The following PHACTR2 variants were observed in gnomAD, a reference collection of about 807,000 sequenced individuals.
PHACTR2 encodes phosphatase and actin regulator 2.
PHACTR2 carries 30 observed loss-of-function variants against 76.0 expected under a neutral mutation model. The ratio of observed to expected loss-of-function variants is 0.39; its 90% CI spans 0.30 to 0.54. PHACTR2 has a LOEUF of 0.54. Among genes scored for constraint, PHACTR2 ranks in the 20% least tolerant of loss-of-function variants. The probability of loss-of-function intolerance (pLI) is 0.61; values close to 1 mark genes in which losing one functional copy is unlikely to be tolerated. For synonymous variants in PHACTR2, 292 were observed against 292.5 expected, an observed-to-expected ratio of 1.00 and a Z score of 0.02; for missense variants, 696 against 781.1, an observed-to-expected ratio of 0.89 and a Z score of 1.30.
In PHACTR2 at chr6:143,711,137, C is replaced by T. The variant is rs550148315; in HGVS notation, c.47-879C>T. 7.4e-4 allele frequency: 331 copies of T among 448,686 alleles called. 1 individual carries two copies. Among genetic ancestry groups the T allele is most frequent in the African/African-American group, 6.2e-3 (303 of 49,020 alleles). 27.8% of individuals were successfully genotyped at this position (448,686 alleles called of 1,614,324 possible). A position where few individuals can be genotyped will look rare whatever the true frequency, so the allele number is the denominator to read the frequency against. On this transcript the variant is annotated intron_variant, in intron 1 of 12. Transcript: ENST00000440869. ...TGAGATAATTTCCATCACCGCTATA[C>T]GTTCCCTCAAGTTTCTTCTCAGGTT...
intron 1 of PHACTR2, among the ~76,000 whole-genome samples, chr6:143,614,748 C>G (rs918074544): frequency 6.6e-6 from 1 of 152,126 alleles, no homozygotes; most frequent in African/African-American, 2.4e-5. Flanking sequence ...TTGCCTCTAA[C>G]CTTTCACTGC....
intron 2 of PHACTR2, among the ~76,000 whole-genome samples, chr6:143,714,185 T>C (rs17592629): frequency 0.013 from 1,929 of 152,330 alleles, 18 homozygotes; most frequent in South Asian, 0.031. Flanking sequence ...TGCTGTCTGA[T>C]AATCAATGAA....
chr6:143,765,933 C>A lies in PHACTR2; in HGVS notation c.1232+135C>A. 1.4e-6 allele frequency: 1 copy of A among 737,928 alleles called. No individual in the cohort carries two copies. The highest frequency in any genetic ancestry group is 2.2e-6 in the Non-Finnish European group (1 of 461,708). The allele number at this position is 737,928 out of a possible 1,614,324, so 45.7% of individuals were successfully genotyped here. The stretch of plus-strand genomic sequence containing the variant: ...GTGTTAGGTAGGCATACATGTGATC[C>A]AACCATTGCTTTGTCAGAGCCCTGC... On this transcript the variant is annotated intron_variant, in intron 6 of 12. Transcript: ENST00000440869. The surrounding 1 kb of genome is among the most constrained non-coding windows in gnomAD (Gnocchi z 4.1).
rs2128472475 is a variant in PHACTR2 at position 143,761,009 on chromosome 6, CT to C, written c.694+371del. Among the ~76,000 whole-genome samples the C allele has an allele frequency of 6.6e-6, 1 of 152,210 alleles. No individual in the cohort carries two copies. The highest frequency in any genetic ancestry group is 2.1e-4 in the South Asian group (1 of 4,822). On this transcript the variant is annotated intron_variant, in intron 5 of 12. Transcript: ENST00000440869. The surrounding 1 kb of genome is among the most constrained non-coding windows in gnomAD (Gnocchi z 5.2). ...TATGAGCCTATGGGTGGCTTTTTGG[CT>C]TGGATTTTCTTTCAAAATATCTAAG...
At chr6:143,723,269 C>T (rs1778483804) in intron 2 of PHACTR2, among the ~76,000 whole-genome samples, 1 of 152,176 alleles carries the variant, frequency 6.6e-6, no homozygotes. Flanking sequence ...ACCTTCCACG[C>T]CTTCCTGTTT....
At chr6:143,632,483 A>G (rs1470349800) in intron 1 of PHACTR2, among the ~76,000 whole-genome samples, 1 of 152,204 alleles carries the variant, frequency 6.6e-6, no homozygotes. Context: ...CAACATAAAG[A>G]GCAAAGTACA....
intron 1 of PHACTR2, among the ~76,000 whole-genome samples, chr6:143,692,416 C>A (rs1777666441): frequency 6.6e-6 from 1 of 152,166 alleles, no homozygotes; most frequent in East Asian, 1.9e-4. Flanking sequence ...GTTGGCCTGA[C>A]TGCGCTGTTT....
In PHACTR2 at chr6:143,652,390, C is replaced by CTGTT. The variant is rs112494577; in HGVS notation, c.13+44094_13+44097dup. Among the ~76,000 whole-genome samples the CTGTT allele has an allele frequency of 0.027, 4,103 of 151,982 alleles. 78 individuals are homozygous for CTGTT. The highest frequency in any genetic ancestry group is 0.054 in the Middle Eastern group (16 of 294). ...CAGCTAGACAAAGGTACCTGCGCTG[C>CTGTT]TGTTTGTTTGTTTGTTTGTTTGTTT... is the stretch of plus-strand genomic sequence containing the variant. On this transcript the variant is annotated intron_variant, in intron 1 of 11. Coordinates refer to the PHACTR2 transcript ENST00000305766. The surrounding 1 kb of genome is among the most constrained non-coding windows in gnomAD (Gnocchi z 4.5).
intron 6 of PHACTR2, among the ~76,000 whole-genome samples, chr6:143,766,368 C>T (rs1171566297): frequency 6.6e-6 from 1 of 152,178 alleles, no homozygotes; most frequent in Non-Finnish European, 1.5e-5. Context: ...ACAGAATTAG[C>T]CAACATGTCT....
At chr6:143,763,780 T>C (rs1779491164) in intron 5 of PHACTR2, among the ~76,000 whole-genome samples, 1 of 152,232 alleles carries the variant, frequency 6.6e-6, no homozygotes, top group South Asian at 2.1e-4. Flanking sequence ...ACCCTCCCAA[T>C]TGACTTCAAT....
chr6:143,579,349 C>A (rs1775548336), intron 1 of PHACTR2, among the ~76,000 whole-genome samples: 1 of 151,852 alleles, frequency 6.6e-6, no homozygotes. Context: ...GACTTATGGG[C>A]CAAGAGAGGT....
In PHACTR2 at chr6:143,679,155, G is replaced by A. The variant is rs1777326904; in HGVS notation, c.46+946G>A. ...AAGGAAATGACAGGGTACAGAGGAA[G>A]GTTTTTTAATCTGCCTCAGGATGTC... is the stretch of plus-strand genomic sequence containing the variant. On this transcript the variant is annotated intron_variant, in intron 1 of 12. Transcript: ENST00000440869. This position sits in a 1 kb window ranked among gnomAD's most constrained non-coding sequence, Gnocchi z 4.6. Among the ~76,000 whole-genome samples, 1 of 152,118 alleles carries A rather than the reference G, an allele frequency of 6.6e-6. No homozygotes were observed. The highest frequency in any genetic ancestry group is 1.5e-5 in the Non-Finnish European group (1 of 68,030).
chr6:143,668,732 C>G (rs1303921150), intron 1 of PHACTR2, among the ~76,000 whole-genome samples: 2 of 152,088 alleles, frequency 1.3e-5, no homozygotes, highest in East Asian at 3.8e-4. Context: ...TCCCCTTTAT[C>G]ATTTTTTATC....
At chr6:143,542,074 C>G (rs920297429) in intron 1 of PHACTR2, among the ~76,000 whole-genome samples, 3 of 152,200 alleles carry the variant, frequency 2.0e-5, no homozygotes, top group African/African-American at 7.2e-5. Flanking sequence ...TTCTGTCTCT[C>G]CCTGGTCAGG....
chr6:143,829,241 T>C lies in PHACTR2; in HGVS notation c.*5552T>C. 6.7e-6 allele frequency: 1 copy of C among 148,870 alleles called. No individual in the cohort carries two copies. The highest frequency in any genetic ancestry group is 1.5e-5 in the Non-Finnish European group (1 of 67,406). 9.2% of individuals were successfully genotyped at this position (148,870 alleles called of 1,614,324 possible). A position where few individuals can be genotyped will look rare whatever the true frequency, so the allele number is the denominator to read the frequency against. On this transcript the variant is annotated 3_prime_UTR_variant, in exon 13 of 13. Coordinates refer to ENST00000440869, the MANE Select transcript of PHACTR2 (RefSeq NM_001100164.2). ...ACAACTTTTCTTTAGAACCACATTA[T>C]TGGTCATAATCCTTGTTACTGTCAT...
At chr6:143,582,857 A>G (rs904611285) in intron 1 of PHACTR2, among the ~76,000 whole-genome samples, 1 of 152,212 alleles carries the variant, frequency 6.6e-6, no homozygotes, top group African/African-American at 2.4e-5. Flanking sequence ...AAAAGGGCAT[A>G]AGAAAATTGA....
In PHACTR2 at chr6:143,787,675, G is replaced by A. The variant is rs963047617; in HGVS notation, c.1708-1098G>A. Among the ~76,000 whole-genome samples, 3 of 152,146 alleles carry A rather than the reference G, an allele frequency of 2.0e-5. No homozygotes were observed. ...TGCCTGTAACCCCAGCACTTTGGGA[G>A]GCTGAGATGGGAGAATCGCTTGAGC... On this transcript the variant is annotated intron_variant, in intron 10 of 12. Coordinates refer to ENST00000440869, the MANE Select transcript of PHACTR2 (RefSeq NM_001100164.2). The surrounding 1 kb of genome is among the most constrained non-coding windows in gnomAD (Gnocchi z 4.6).
chr6:143,753,217 G>A lies in PHACTR2; in HGVS notation c.296-537G>A, dbSNP rs952548720. Among the ~76,000 whole-genome samples, 1 of 152,068 alleles carries A rather than the reference G, an allele frequency of 6.6e-6. No homozygotes were observed. Among genetic ancestry groups the A allele is most frequent in the Non-Finnish European group, 1.5e-5 (1 of 68,012 alleles). On this transcript the variant is annotated intron_variant, in intron 3 of 12. Coordinates refer to ENST00000440869, the MANE Select transcript of PHACTR2 (RefSeq NM_001100164.2). This position sits in a 1 kb window ranked among gnomAD's most constrained non-coding sequence, Gnocchi z 4.6. ...TCATGTTTTCCCTGAACATAGAGTA[G>A]CAGTTATATTACTGTGTGAAGTTAG...
intron 1 of PHACTR2, among the ~76,000 whole-genome samples, chr6:143,569,870 T>C (rs1775423008): frequency 6.6e-6 from 1 of 152,224 alleles, no homozygotes; most frequent in Non-Finnish European, 1.5e-5. Context: ...GCTATTCAAA[T>C]GACTGAAGAT....
Sources: allele counts gnomAD v4.1 joint callset (sites outside exome capture counted in the v4.1 genomes callset), GRCh38; gene constraint gnomAD v4.1.1; non-coding constraint Gnocchi (gnomAD v3.1); transcripts MANE v1.5; gene names NCBI Gene and HGNC (gene_info 2026-07-23, HGNC 2026-07-21).